The following FBXO25 variants were observed in gnomAD, a reference collection of about 807,000 sequenced individuals.
FBXO25 encodes the protein F-box only protein 25.
Under a neutral mutation model 51.9 loss-of-function variants are expected in FBXO25, and 45 were observed. The ratio of observed to expected loss-of-function variants is 0.87; its 90% confidence interval spans 0.68 to 1.11. The LOEUF is 1.11. Among genes scored for constraint, FBXO25 ranks in the 50% most tolerant of loss-of-function variants. The pLI, the probability that FBXO25 is intolerant of heterozygous loss-of-function variation, is 0.00. For missense variants in FBXO25, 507 were observed against 428.5 expected, an observed-to-expected ratio of 1.18 and a Z score of -1.62; for synonymous variants, 199 against 151.0, an observed-to-expected ratio of 1.32 and a Z score of -2.33.
chr8:467,572 G>T, intron 9 of FBXO25: 2 of 790,444 alleles, frequency 2.5e-6, no homozygotes, highest in Non-Finnish European at 4.1e-6. Flanking sequence ...TCCAAATTTA[G>T]TTACCTGATG....
At position 475,181 on chromosome 8, in the gene FBXO25, C is replaced by T. The variant is rs928757245; in HGVS notation, c.*6377C>T. 10 of 333,172 alleles carry T rather than the reference C, an allele frequency of 3.0e-5. No individual in the cohort carries two copies. The Admixed American group carries it at 3.8e-4, about 12-fold the overall frequency. 20.6% of individuals were successfully genotyped at this position (333,172 alleles called of 1,614,324 possible). On this transcript the variant is annotated 3_prime_UTR_variant, in exon 10 of 10. Coordinates refer to ENST00000350302, the MANE Select transcript of FBXO25 (RefSeq NM_183420.2). ...TTCATGTGGATGTCCACTTGTCTAG[C>T]ACCATTTGTTGAAAAGACTGTCCTT...
chr8:413,581 G>C (rs1429231021), intron 2 of FBXO25, among the ~76,000 whole-genome samples: 1 of 152,140 alleles, frequency 6.6e-6, no homozygotes, highest in Non-Finnish European at 1.5e-5. Flanking sequence ...TTTCTCCCTT[G>C]AAAGCCTGAG....
At chr8:459,824 C>T (rs942333297) in intron 8 of FBXO25, among the ~76,000 whole-genome samples, 1 of 152,044 alleles carries the variant, frequency 6.6e-6, no homozygotes, top group Non-Finnish European at 1.5e-5. Context: ...AATGAGGTGC[C>T]CCAGAACCTG....
At position 474,016 on chromosome 8, in the gene FBXO25, A is replaced by G. The variant is rs895014865; in HGVS notation, c.*5212A>G. On this transcript the variant is annotated 3_prime_UTR_variant, in exon 10 of 10. Transcript: ENST00000350302. ...GCATTAAATACATTCATACTGTGCA[A>G]CCTTCTCTACCACGTATCCACAAGT... 6.6e-6 allele frequency: 1 copy of G among 152,184 alleles called. No individual in the cohort carries two copies. Among genetic ancestry groups the G allele is most frequent in the African/African-American group, 2.4e-5 (1 of 41,408 alleles). The allele number at this position is 152,184 out of a possible 1,614,324, so 9.4% of individuals were successfully genotyped here.
At chr8:455,147 C>T (rs975482938) in intron 7 of FBXO25, among the ~76,000 whole-genome samples, 13 of 152,108 alleles carry the variant, frequency 8.5e-5, no homozygotes, top group African/African-American at 2.7e-4. Flanking sequence ...TGTGTTATGC[C>T]AAATGTGTGG....
chr8:467,893 T>C, intron 9 of FBXO25: 1 of 1,517,668 alleles, frequency 6.6e-7, no homozygotes, highest in South Asian at 1.3e-5. Context: ...CAGGGCTGAG[T>C]GGCCACTTTG....
At chr8:407,400 C>T (rs1223750311) in intron 1 of FBXO25, 4 of 981,352 alleles carry the variant, frequency 4.1e-6, no homozygotes, top group African/African-American at 1.8e-5. Context: ...GGACGATGGG[C>T]CGCGGGCGCG....
At chr8:425,164 T>G (rs1797396978) in intron 2 of FBXO25, among the ~76,000 whole-genome samples, 1 of 150,554 alleles carries the variant, frequency 6.6e-6, no homozygotes, top group Non-Finnish European at 1.5e-5. Flanking sequence ...TATTATAACC[T>G]ACTTCATCTC....
At chr8:435,053 G>T (rs528975771) in intron 4 of FBXO25, among the ~76,000 whole-genome samples, 1 of 152,132 alleles carries the variant, frequency 6.6e-6, no homozygotes, top group South Asian at 2.1e-4. Flanking sequence ...TCTTGCTACC[G>T]AAGCACCTCT....
intron 2 of FBXO25, among the ~76,000 whole-genome samples, chr8:420,668 G>C (rs915870906): frequency 2.0e-5 from 3 of 152,234 alleles, no homozygotes; most frequent in African/African-American, 7.2e-5. Flanking sequence ...CTTAGTGAAA[G>C]AAACCAAACC....
intron 2 of FBXO25, among the ~76,000 whole-genome samples, chr8:427,946 G>C (rs1797593753): frequency 6.6e-6 from 1 of 152,106 alleles, no homozygotes; most frequent in African/African-American, 2.4e-5. Flanking sequence ...CCCTAGAGTG[G>C]TCTGGGAGAT....
At chr8:432,777 T>A in intron 3 of FBXO25, 109 bp from the exon 4 acceptor site, 5 of 1,293,806 alleles carry the variant, frequency 3.9e-6, no homozygotes, top group Non-Finnish European at 5.1e-6. Flanking sequence ...CTTGTCAATA[T>A]AGTAAGTCAG....
chr8:426,814 G>C (rs1207383783), intron 2 of FBXO25, among the ~76,000 whole-genome samples: 5 of 152,044 alleles, frequency 3.3e-5, no homozygotes, highest in Non-Finnish European at 5.9e-5. Flanking sequence ...GCTCCACCTG[G>C]CCTTGGTGCT....
chr8:410,924 T>C (rs534118721), intron 1 of FBXO25, among the ~76,000 whole-genome samples: 3 of 152,330 alleles, frequency 2.0e-5, no homozygotes, highest in South Asian at 4.1e-4. Context: ...TAAGCATTTG[T>C]GGTTGATCCA....
chr8:419,311 G>T (rs1020973210), intron 2 of FBXO25, among the ~76,000 whole-genome samples: 13 of 152,230 alleles, frequency 8.5e-5, no homozygotes, highest in African/African-American at 3.1e-4. Context: ...GAAGGTTGTG[G>T]TGAGCAGAGA....
At chr8:412,673 A>G (rs896283051) in intron 1 of FBXO25, among the ~76,000 whole-genome samples, 4 of 152,160 alleles carry the variant, frequency 2.6e-5, no homozygotes, top group Non-Finnish European at 5.9e-5. Context: ...AGCTTCAACC[A>G]AACTGAACTA....
chr8:428,763 C>G (rs1797644979), intron 2 of FBXO25, among the ~76,000 whole-genome samples: 1 of 152,192 alleles, frequency 6.6e-6, no homozygotes, highest in Admixed American at 6.5e-5. Flanking sequence ...TTTGACTTTT[C>G]TGAGTACCTC....
At chr8:408,348 C>T (rs541291955) in intron 1 of FBXO25, among the ~76,000 whole-genome samples, 611 of 151,688 alleles carry the variant, frequency 4.0e-3, no homozygotes, top group South Asian at 0.01. Flanking sequence ...AGTTAAAAAG[C>T]TTATAATTTA....
At chr8:423,357 A>C (rs538453609) in intron 2 of FBXO25, among the ~76,000 whole-genome samples, 32 of 152,250 alleles carry the variant, frequency 2.1e-4, no homozygotes, top group African/African-American at 7.0e-4. Flanking sequence ...TTACATGAAA[A>C]TATTGCATGA....
Sources: allele counts gnomAD v4.1 joint callset (sites outside exome capture counted in the v4.1 genomes callset), GRCh38; gene constraint gnomAD v4.1.1; transcripts MANE v1.5; gene names NCBI Gene and HGNC (gene_info 2026-07-23, HGNC 2026-07-21).